Variants in CAMTA1 observed in about 807,000 individuals in gnomAD.
CAMTA1 encodes the protein calmodulin binding transcription activator 1, also known as calmodulin-binding transcription activator 1.
In CAMTA1, 27 loss-of-function variants were observed where a neutral mutation model predicts 170.9. That is an observed-to-expected ratio of 0.16 (90% CI 0.12 to 0.22). The LOEUF is 0.22. Among genes scored for constraint, CAMTA1 ranks in the 10% least tolerant of loss-of-function variants. The pLI, the probability that CAMTA1 is intolerant of heterozygous loss-of-function variation, is 1.00. For synonymous variants in CAMTA1, 833 were observed against 891.5 expected (o/e 0.93, Z 1.17); for missense variants, 1,619 against 2,217.2 (o/e 0.73, Z 5.42).
rs1452787155 is a variant in CAMTA1, at chr1:6,974,154, T to G, written c.235-117150T>G. ...GGCTGCTCTGGTTTGTAATATATTGTTCTCAGTGCCAGGAGCTGCAGCAGC... is the reference window on the plus strand; with the variant it reads ...GGCTGCTCTGGTTTGTAATATATTGGTCTCAGTGCCAGGAGCTGCAGCAGC... On this transcript the variant is annotated intron_variant, in intron 3 of 22. Coordinates refer to ENST00000303635, the MANE Select transcript of CAMTA1 (RefSeq NM_015215.4). Among the ~76,000 whole-genome samples, 4 of 152,176 alleles carry G rather than the reference T, an allele frequency of 2.6e-5. No homozygotes were observed. The East Asian group carries it at 7.7e-4, about 29-fold the overall frequency.
rs1553279908 is a variant in CAMTA1, at chr1:7,230,442, C to CCCA, written c.303-19047_303-19046insACC. Among the ~76,000 whole-genome samples the CCCA allele has an allele frequency of 1.8e-4, 15 of 81,670 alleles. 2 individuals are homozygous for CCCA. In the East Asian group the frequency reaches 2.8e-3, roughly 15 times the overall value. 53.6% of individuals were successfully genotyped at this position (81,670 alleles called of 152,430 possible). On this transcript the variant is annotated intron_variant, in intron 4 of 22. Transcript: ENST00000303635. ...TGCTGCTCTGGGCTGACCCCCCCCC[C>CCCA]CCGCCCCGCAAAGCTCTGTGGAAAG...
In CAMTA1 at chr1:7,026,365, G is replaced by A. The variant is rs191348125; in HGVS notation, c.235-64939G>A. Among the ~76,000 whole-genome samples, 17 of 152,214 alleles carry A rather than the reference G, an allele frequency of 1.1e-4. No individual in the cohort carries two copies. In the East Asian group the frequency reaches 2.9e-3, roughly 26 times the overall value. Reference sequence around the variant, plus strand: ...TATATGTCCAGGGGGGGAGTCATCCGTGGCACGGCCTCATGTGTGATTCAG... The same window carrying A: ...TATATGTCCAGGGGGGGAGTCATCCATGGCACGGCCTCATGTGTGATTCAG... On this transcript the variant is annotated intron_variant, in intron 3 of 22. Coordinates refer to ENST00000303635, the MANE Select transcript of CAMTA1 (RefSeq NM_015215.4).
Position 7,732,697 on chromosome 1 carries a change from C to G in CAMTA1, c.3066+98C>G. 1 of 1,446,262 alleles carries G rather than the reference C, an allele frequency of 6.9e-7. No individual in the cohort carries two copies. The highest frequency in any genetic ancestry group is 9.2e-7 in the Non-Finnish European group (1 of 1,090,532). The allele number at this position is 1,446,262 out of a possible 1,614,324, so 89.6% of individuals were successfully genotyped here. On this transcript the variant is annotated intron_variant, in intron 12 of 22. Transcript: ENST00000303635. The surrounding 1 kb of genome is among the most constrained non-coding windows in gnomAD (Gnocchi z 4.1). ...ACAGGCCTCTTCTCTGCTGCTGATG[C>G]GGTCCCTGTATTCAGGCAGAAGGCC...
intron 7 of CAMTA1, among the ~76,000 whole-genome samples, chr1:7,646,319 A>ACT (rs2095803758): frequency 7.3e-6 from 1 of 136,420 alleles, no homozygotes; most frequent in African/African-American, 2.9e-5. Context: ...GGCCCTGGTG[A>ACT]GTTGGGTGGA....
At chr1:7,734,550 A>C (rs1360266970) in intron 12 of CAMTA1, among the ~76,000 whole-genome samples, 2 of 152,154 alleles carry the variant, frequency 1.3e-5, no homozygotes, top group East Asian at 1.9e-4. Context: ...ACAAAAAAAA[A>C]AAAATTCCCT....
rs535330084 is a variant in CAMTA1, at chr1:7,007,375, C to T, written c.235-83929C>T. ...CTTGCTAAGGACACAGGCAGCTGTA[C>T]GCCAGAGCCTGTGGGCCACCCCGAG... On this transcript the variant is annotated intron_variant, in intron 3 of 22. Transcript: ENST00000303635. The surrounding 1 kb of genome is among the most constrained non-coding windows in gnomAD (Gnocchi z 4.5). 9.8e-5 allele frequency among the ~76,000 whole-genome samples: 15 copies of T among 152,318 alleles called. No individual in the cohort carries two copies. Among genetic ancestry groups the T allele is most frequent in the African/African-American group, 3.1e-4 (13 of 41,566 alleles).
intron 6 of CAMTA1, among the ~76,000 whole-genome samples, chr1:7,624,665 A>G (rs1244903476): frequency 1.3e-5 from 2 of 152,198 alleles, no homozygotes; most frequent in Admixed American, 6.5e-5. Flanking sequence ...ATTCAGATGC[A>G]GTCAACCCAC....
chr1:7,324,394 T>TA (rs141817470), intron 5 of CAMTA1, among the ~76,000 whole-genome samples: 3,083 of 152,218 alleles, frequency 0.02, 35 homozygotes, highest in Middle Eastern at 0.037. Flanking sequence ...TAAAGATTCT[T>TA]AAAAAAAATC....
intron 3 of CAMTA1, among the ~76,000 whole-genome samples, chr1:6,906,033 C>T (rs1678384076): frequency 6.6e-6 from 1 of 152,188 alleles, no homozygotes; most frequent in Admixed American, 6.5e-5. Flanking sequence ...AGGCTCTGGC[C>T]ACAGGAGCCC....
At chr1:6,947,598 G>C (rs1231680233) in intron 3 of CAMTA1, among the ~76,000 whole-genome samples, 1 of 151,494 alleles carries the variant, frequency 6.6e-6, no homozygotes, top group East Asian at 1.9e-4. Flanking sequence ...GGCCAGGCTG[G>C]TCTTGAACTC....
chr1:6,942,276 T>G (rs564265234), intron 3 of CAMTA1, among the ~76,000 whole-genome samples: 3 of 152,316 alleles, frequency 2.0e-5, no homozygotes, highest in South Asian at 2.1e-4. Flanking sequence ...TACAGTGACA[T>G]TAACCTTATA....
chr1:7,691,928 C>T (rs1255380793), intron 11 of CAMTA1, among the ~76,000 whole-genome samples: 3 of 137,518 alleles, frequency 2.2e-5, no homozygotes, highest in African/African-American at 5.4e-5. Context: ...AGTAGGGTCT[C>T]GATGAAGGTT....
intron 3 of CAMTA1, among the ~76,000 whole-genome samples, chr1:6,950,726 C>T (rs1688339030): frequency 6.6e-6 from 1 of 152,038 alleles, no homozygotes; most frequent in African/African-American, 2.4e-5. Flanking sequence ...CCCCCAGCCC[C>T]ACCAATCAAC....
chr1:7,247,190 T>C (rs1665948882), intron 4 of CAMTA1, among the ~76,000 whole-genome samples: 1 of 152,270 alleles, frequency 6.6e-6, no homozygotes, highest in South Asian at 2.1e-4. Context: ...CCATTTAAGC[T>C]GGACACTTAA....
At position 7,044,016 on chromosome 1, in the gene CAMTA1, G is replaced by A. The variant is rs1025883691; in HGVS notation, c.235-47288G>A. Among the ~76,000 whole-genome samples the A allele has an allele frequency of 6.6e-6, 1 of 152,228 alleles. No homozygotes were observed. The highest frequency in any genetic ancestry group is 2.4e-5 in the African/African-American group (1 of 41,462). On this transcript the variant is annotated intron_variant, in intron 3 of 22. Coordinates refer to ENST00000303635, the MANE Select transcript of CAMTA1 (RefSeq NM_015215.4). The surrounding 1 kb of genome is among the most constrained non-coding windows in gnomAD (Gnocchi z 5.0). ...GATATAGGTCTAGGGGAGGGTGACTGTATTACCTGGATCCTCCAGAGGGCC... is the reference window on the plus strand; with the variant it reads ...GATATAGGTCTAGGGGAGGGTGACTATATTACCTGGATCCTCCAGAGGGCC...
intron 3 of CAMTA1, among the ~76,000 whole-genome samples, chr1:7,019,870 A>G (rs1425450226): frequency 6.6e-6 from 1 of 152,184 alleles, no homozygotes; most frequent in Non-Finnish European, 1.5e-5. Context: ...GCTCTCATGG[A>G]AGCAGTGTTT....
rs980783645 is a variant in CAMTA1 at position 7,319,052 on chromosome 1, A to G, written c.438+69426A>G. On this transcript the variant is annotated intron_variant, in intron 5 of 22. Coordinates refer to ENST00000303635, the MANE Select transcript of CAMTA1 (RefSeq NM_015215.4). ...TATTTTGGGAAACTTCTTATACCAG[A>G]TACATTTCTTGCCTTCATGGAGTCC... 3.9e-5 allele frequency among the ~76,000 whole-genome samples: 6 copies of G among 152,222 alleles called. No individual in the cohort carries two copies. In the East Asian group the frequency reaches 9.6e-4, roughly 24 times the overall value.
At chr1:7,637,308 G>C (rs1489251151) in intron 6 of CAMTA1, among the ~76,000 whole-genome samples, 1 of 152,240 alleles carries the variant, frequency 6.6e-6, no homozygotes, top group Non-Finnish European at 1.5e-5. Context: ...GCAGGGCCGG[G>C]CTTCTGCTCC....
At chr1:7,143,952 A>G (rs1357814731) in intron 4 of CAMTA1, among the ~76,000 whole-genome samples, 1 of 152,058 alleles carries the variant, frequency 6.6e-6, no homozygotes, top group Non-Finnish European at 1.5e-5. Context: ...CCACAAAGCC[A>G]CTCTGTGTGT....
Sources: allele counts gnomAD v4.1 joint callset (sites outside exome capture counted in the v4.1 genomes callset), GRCh38; gene constraint gnomAD v4.1.1; non-coding constraint Gnocchi (gnomAD v3.1); transcripts MANE v1.5; gene names NCBI Gene and HGNC (gene_info 2026-07-23, HGNC 2026-07-21).